The following MLPH variants were observed in gnomAD, a reference collection of about 807,000 sequenced individuals.
The protein encoded by MLPH is exophilin-3.
In MLPH, 51 loss-of-function variants were observed where a neutral mutation model predicts 72.1. The observed-to-expected ratio is 0.71, with a 90% CI of 0.56 to 0.89. MLPH has a LOEUF of 0.89. MLPH is among the 40% of genes least tolerant of loss of function. The pLI is 0.00. For missense variants in MLPH, 743 were observed against 759.9 expected (o/e 0.98, Z 0.26); for synonymous variants, 301 against 310.1 (o/e 0.97, Z 0.31).
At chr2:237,504,715 G>A (rs751648656) in intron 2 of MLPH, among the ~76,000 whole-genome samples, 124 of 152,200 alleles carry the variant, frequency 8.1e-4, no homozygotes, top group Non-Finnish European at 1.4e-3. Context: ...GGTCTTGTCA[G>A]TCTGTGTAGG....
chr2:237,504,918 T>TCCCC (rs561989644), intron 2 of MLPH, among the ~76,000 whole-genome samples: 1 of 152,010 alleles, frequency 6.6e-6, no homozygotes, highest in East Asian at 1.9e-4. Context: ...TCCCATCTGC[T>TCCCC]CCCCCTCGTG....
intron 9 of MLPH, among the ~76,000 whole-genome samples, chr2:237,539,927 A>G (rs138824898): frequency 6.6e-6 from 1 of 152,294 alleles, no homozygotes; most frequent in African/African-American, 2.4e-5. Flanking sequence ...GGAAGAGCCC[A>G]GCCCCTGAAG....
At chr2:237,545,529 A>G in intron 12 of MLPH, 1 of 1,289,060 alleles carries the variant, frequency 7.8e-7, no homozygotes, top group Non-Finnish European at 1.0e-6. Context: ...TGTAAAATCC[A>G]AAAGGAGCCG....
rs117592793 is a variant in MLPH at position 237,515,482 on chromosome 2, C to T, written c.446-3057C>T. ...GTTTCCTGCAGAGGGGCCCCAGGCC[C>T]GAGAGATGAGGATAGGATCCCCACG... On this transcript the variant is annotated intron_variant, in intron 4 of 15. Transcript: ENST00000264605. Among the ~76,000 whole-genome samples, 54 of 152,184 alleles carry T rather than the reference C, an allele frequency of 3.5e-4. No homozygotes were observed. The East Asian group carries it at 5.4e-3, about 15-fold the overall frequency.
intron 6 of MLPH, among the ~76,000 whole-genome samples, chr2:237,522,779 G>C (rs2080217843): frequency 1.3e-5 from 2 of 152,138 alleles, no homozygotes; most frequent in Non-Finnish European, 2.9e-5. Flanking sequence ...GGAAGGGGTT[G>C]GGGGTGGGGT....
intron 6 of MLPH, among the ~76,000 whole-genome samples, chr2:237,523,499 A>G (rs1283293716): frequency 6.6e-6 from 1 of 152,238 alleles, no homozygotes; most frequent in Non-Finnish European, 1.5e-5. Flanking sequence ...CAGCTCTTGC[A>G]TACTTTCTCC....
intron 1 of MLPH, among the ~76,000 whole-genome samples, chr2:237,488,784 G>C (rs912064860): frequency 6.6e-6 from 1 of 152,216 alleles, no homozygotes; most frequent in Non-Finnish European, 1.5e-5. Context: ...GGTGGTGGAA[G>C]TGTCCCAGAG....
intron 9 of MLPH, chr2:237,537,527 G>A (rs556197407): frequency 2.6e-5 from 4 of 152,276 alleles, no homozygotes; most frequent in South Asian, 4.1e-4. Flanking sequence ...TCTTTCCACC[G>A]AGGGCCTCTG....
chr2:237,527,579 C>T lies in MLPH; in HGVS notation c.1020+63C>T. 3 of 1,599,218 alleles carry T rather than the reference C, an allele frequency of 1.9e-6. No individual in the cohort carries two copies. In the Admixed American group the frequency reaches 5.0e-5, roughly 27 times the overall value. ...TTTGGGTGGAGTCTTTTTACCTCCACACCAAGTCACTTTAGAGAAATTACA... is the reference window on the plus strand; with the variant it reads ...TTTGGGTGGAGTCTTTTTACCTCCATACCAAGTCACTTTAGAGAAATTACA... On this transcript the variant is annotated intron_variant, in intron 8 of 15. Transcript: ENST00000264605.
In MLPH at chr2:237,521,820, A is replaced by G. The variant is rs375103514; in HGVS notation, c.675+1791A>G. ...ATAGTGCTGGAGCGGAGCAGGGCTGAGACTGGGGTTGGGCCTTCAAACACC... is the reference window on the plus strand; with the variant it reads ...ATAGTGCTGGAGCGGAGCAGGGCTGGGACTGGGGTTGGGCCTTCAAACACC... On this transcript the variant is annotated intron_variant, in intron 6 of 15. Coordinates refer to ENST00000264605, the MANE Select transcript of MLPH (RefSeq NM_024101.7). 1.1e-4 allele frequency among the ~76,000 whole-genome samples: 14 copies of G among 124,022 alleles called. 1 individual carries two copies. Among genetic ancestry groups the G allele is most frequent in the African/African-American group, 7.6e-4 (14 of 18,420 alleles). The allele number at this position is 124,022 out of a possible 152,430, so 81.4% of individuals were successfully genotyped here. A position where few individuals can be genotyped will look rare whatever the true frequency, so the allele number is the denominator to read the frequency against.
chr2:237,527,310 G>A lies in MLPH; in HGVS notation c.881-67G>A, dbSNP rs772193725. The A allele has an allele frequency of 2.5e-6, 4 of 1,601,560 alleles. No individual in the cohort carries two copies. In the East Asian group the frequency reaches 6.7e-5, roughly 27 times the overall value. ...CTTTGAGCCTCATTTTTCTTCATTGGACTAAACACGTCCATCAGCTTTCAG... is the reference window on the plus strand; with the variant it reads ...CTTTGAGCCTCATTTTTCTTCATTGAACTAAACACGTCCATCAGCTTTCAG... On this transcript the variant is annotated intron_variant, in intron 7 of 15. Coordinates refer to ENST00000264605, the MANE Select transcript of MLPH (RefSeq NM_024101.7).
chr2:237,534,497 G>A lies in MLPH; in HGVS notation c.1021-67G>A, dbSNP rs548130170. The A allele has an allele frequency of 2.4e-3, 3,090 of 1,300,160 alleles. 11 individuals are homozygous for A. The highest frequency in any genetic ancestry group is 2.8e-3 in the Non-Finnish European group (2,482 of 897,312). The allele number at this position is 1,300,160 out of a possible 1,614,324, so 80.5% of individuals were successfully genotyped here. A position where few individuals can be genotyped will look rare whatever the true frequency, so the allele number is the denominator to read the frequency against. On this transcript the variant is annotated intron_variant, in intron 8 of 15. Coordinates refer to ENST00000264605, the MANE Select transcript of MLPH (RefSeq NM_024101.7). The stretch of plus-strand genomic sequence containing the variant: ...GAATTTGGTGCTTCAGAGGTGGTGG[G>A]TGCCAGTGTCTTGCTGGTTGGAGTG...
In MLPH at chr2:237,554,040, G is replaced by T; in HGVS notation, c.*448G>T. ...GGTCTATATCGGGGTGTGAGCAGAT[G>T]TTTGCGTATTTCTTGTGGGTGTGAC... is the stretch of plus-strand genomic sequence containing the variant. On this transcript the variant is annotated 3_prime_UTR_variant, in exon 16 of 16. Transcript: ENST00000264605. 3.2e-6 allele frequency: 1 copy of T among 314,088 alleles called. No homozygotes were observed. The highest frequency in any genetic ancestry group is 3.0e-5 in the South Asian group (1 of 33,452). 19.5% of individuals were successfully genotyped at this position (314,088 alleles called of 1,614,324 possible).
chr2:237,548,231 C>A (rs1388433542), intron 13 of MLPH, among the ~76,000 whole-genome samples: 1 of 152,222 alleles, frequency 6.6e-6, no homozygotes, highest in East Asian at 1.9e-4. Flanking sequence ...GGCGCTTCCA[C>A]CTTTGTCCCT....
chr2:237,502,100 T>C (rs1411429444), intron 2 of MLPH, among the ~76,000 whole-genome samples: 2 of 152,226 alleles, frequency 1.3e-5, no homozygotes, highest in African/African-American at 4.8e-5. Flanking sequence ...AGTTCCATTG[T>C]CCCTGTTTTC....
intron 8 of MLPH, among the ~76,000 whole-genome samples, chr2:237,533,288 G>T (rs1291495335): frequency 1.3e-5 from 2 of 152,000 alleles, no homozygotes; most frequent in African/African-American, 4.8e-5. Context: ...CTGCAGAGAG[G>T]CTTTTTAGCC....
chr2:237,510,652 C>T lies in MLPH; in HGVS notation c.189C>T (p.His63=), dbSNP rs1396050372. Residue 63 remains histidine, a synonymous_variant, in exon 3 of 16, where the codon CAC becomes CAT. Transcript: ENST00000264605. The surrounding 1 kb of genome is among the most constrained non-coding windows in gnomAD (Gnocchi z 4.4). The part of the protein sequence containing the change: ...LSDTAHLNET[H]CARCLQPYQL... ...ACACTGCCCATCTGAACGAGACCCA[C>T]TGCGCCCGCTGCCTGCAGCCCTACC... 2 of 1,613,704 alleles carry T rather than the reference C, an allele frequency of 1.2e-6. No individual in the cohort carries two copies. The highest frequency in any genetic ancestry group is 2.2e-5 in the East Asian group (1 of 44,890).
At chr2:237,545,463 T>A (rs1265590812) in intron 12 of MLPH, 2 of 1,288,430 alleles carry the variant, frequency 1.6e-6, no homozygotes, top group Non-Finnish European at 2.0e-6. Flanking sequence ...AAAGGCTCTT[T>A]ATGAGGGGAC....
intron 6 of MLPH, among the ~76,000 whole-genome samples, chr2:237,521,421 G>A (rs2080179242): frequency 6.6e-6 from 1 of 152,102 alleles, no homozygotes; most frequent in Non-Finnish European, 1.5e-5. Flanking sequence ...TATTTTTCAG[G>A]TGTCTTGTTC....
Sources: gnomAD v4.1 joint callset for allele counts (sites outside exome capture counted in the v4.1 genomes callset) on GRCh38, gnomAD v4.1.1 for gene constraint, Gnocchi (gnomAD v3.1) non-coding constraint, MANE v1.5 for transcripts, NCBI Gene and HGNC (gene_info 2026-07-23, HGNC 2026-07-21) for gene names.